Variants in FSIP2 observed in about 807,000 individuals in gnomAD.
The protein encoded by FSIP2 is fibrous sheath interacting protein 2, also known as fibrous sheath-interacting protein 2.
In FSIP2, 367 loss-of-function variants were observed where a neutral mutation model predicts 510.5. The ratio of observed to expected loss-of-function variants is 0.72; its 90% CI spans 0.66 to 0.78. The LOEUF is 0.78. Ranked by LOEUF, FSIP2 falls within the 30% of genes least tolerant of loss-of-function variation. FSIP2 has a pLI of 0.00. For synonymous variants in FSIP2, 2,601 were observed against 2,732.2 expected, an observed-to-expected ratio of 0.95 and a Z score of 1.50; for missense variants, 7,594 against 7,901.7, an observed-to-expected ratio of 0.96 and a Z score of 1.48.
rs1323238565 is a variant in FSIP2 at position 185,789,300 on chromosome 2, G to A, written c.2164G>A (p.Ala722Thr). Reference protein sequence around the residue: ...LREIMSDLTQAIPSLSSVTAE... With the variant: ...LREIMSDLTQTIPSLSSVTAE... ...AGAAATAATGTCTGATTTAACCCAG[G>A]CCATTCCCTCTCTCTCTTCTGTTAC... Residue 722 changes from alanine (A) to threonine (T), a missense_variant, in exon 16 of 23, where the codon GCC (alanine) becomes ACC (threonine). Transcript: ENST00000424728. 1 of 1,534,662 alleles carries A rather than the reference G, an allele frequency of 6.5e-7. No homozygotes were observed. Among genetic ancestry groups the A allele is most frequent in the Non-Finnish European group, 8.7e-7 (1 of 1,145,902 alleles).
chr2:185,773,471 T>C (rs893095838), intron 13 of FSIP2, among the ~76,000 whole-genome samples: 1 of 152,194 alleles, frequency 6.6e-6, no homozygotes, highest in Admixed American at 6.5e-5. Flanking sequence ...AATTCAAACA[T>C]ACATTAGATC....
intron 15 of FSIP2, among the ~76,000 whole-genome samples, chr2:185,786,594 T>C (rs1692984564): frequency 1.3e-5 from 2 of 151,910 alleles, no homozygotes; most frequent in African/African-American, 4.8e-5. Flanking sequence ...AAGCCTATTA[T>C]ATCATGGGAA....
Position 185,764,560 on chromosome 2 carries a change from A to C in FSIP2, c.1406A>C (p.Glu469Ala). The stretch of plus-strand genomic sequence containing the variant: ...ACCAAGAGATCAAGCTATCTCTGCG[A>C]ATCAGGTAAATATCAGCAGTAATTA... The part of the protein sequence containing the change: ...RPTKRSSYLC[E>A]SGPQAHATDP... Residue 469 changes from glutamate (E) to alanine (A), a missense_variant, in exon 13 of 23, where the codon GAA becomes GCA. By Grantham distance (107) the Glu-to-Ala change is moderately radical. Transcript: ENST00000424728. 1 of 1,517,428 alleles carries C rather than the reference A, an allele frequency of 6.6e-7. No homozygotes were observed. The highest frequency in any genetic ancestry group is 2.5e-5 in the East Asian group (1 of 40,630). 94.0% of individuals were successfully genotyped at this position (1,517,428 alleles called of 1,614,324 possible). A position where few individuals can be genotyped will look rare whatever the true frequency, so the allele number is the denominator to read the frequency against.
At position 185,806,569 on chromosome 2, in the gene FSIP2, G is replaced by T. The variant is rs1430930896; in HGVS notation, c.17263G>T (p.Glu5755Ter). The T allele has an allele frequency of 1.2e-6, 2 of 1,604,440 alleles. No homozygotes were observed. The highest frequency in any genetic ancestry group is 2.7e-5 in the African/African-American group (2 of 74,048). ...KEKEEEEREK[E>*]KVREEIKSEP... ...AAAAGAAGAGGAAGAGAGAGAAAAA[G>T]AGAAAGTAAGAGAGGAGATTAAAAG... The change falls in exon 17 of 23, where the codon GAG (glutamate) becomes TAG (stop). Residue 5755 changes from glutamate to a stop codon, truncating the protein, a stop_gained. Transcript: ENST00000424728. LOFTEE classifies it high-confidence loss of function.
intron 8 of FSIP2, among the ~76,000 whole-genome samples, chr2:185,755,161 T>C (rs1250700541): frequency 2.6e-5 from 4 of 151,564 alleles, no homozygotes; most frequent in Admixed American, 1.3e-4. Flanking sequence ...CCCTTTTCTG[T>C]GAATCTCTCA....
chr2:185,804,306 G>T lies in FSIP2; in HGVS notation c.15000G>T (p.Glu5000Asp), dbSNP rs757133485. The change falls in exon 17 of 23, where the codon GAG (glutamate) becomes GAT (aspartate). Residue 5000 changes from glutamate (E) to aspartate (D), a missense_variant. Physicochemically the swap from Glu to Asp is conservative, Grantham distance 45 (BLOSUM62 2). Coordinates refer to ENST00000424728, the MANE Select transcript of FSIP2 (RefSeq NM_173651.4). ...TTGTTCTGGAGTTCACCACATCAGAGATTTTAGTTGCAGATAACTTTGATA... is the reference window on the plus strand; with the variant it reads ...TTGTTCTGGAGTTCACCACATCAGATATTTTAGTTGCAGATAACTTTGATA... ...NSIVLEFTTS[E>D]ILVADNFDKN... 202 of 1,514,118 alleles carry T rather than the reference G, an allele frequency of 1.3e-4. No homozygotes were observed. The highest frequency in any genetic ancestry group is 1.7e-4 in the Non-Finnish European group (194 of 1,138,768). The allele number at this position is 1,514,118 out of a possible 1,614,324, so 93.8% of individuals were successfully genotyped here. A position where few individuals can be genotyped will look rare whatever the true frequency, so the allele number is the denominator to read the frequency against.
chr2:185,818,800 T>C (rs2105674962), intron 19 of FSIP2, among the ~76,000 whole-genome samples: 1 of 152,002 alleles, frequency 6.6e-6, no homozygotes, highest in African/African-American at 2.4e-5. Context: ...ACACTAGATC[T>C]ACCTGACAAG....
chr2:185,764,925 C>A, intron 13 of FSIP2: 1 of 164,132 alleles, frequency 6.1e-6, no homozygotes, highest in Admixed American at 6.4e-5. Flanking sequence ...ATTGTTTGTA[C>A]TAATGTTGAC....
Position 185,805,461 on chromosome 2 carries a change from C to A in FSIP2, c.16155C>A (p.Thr5385=). 6.2e-7 allele frequency: 1 copy of A among 1,611,194 alleles called. No homozygotes were observed. The highest frequency in any genetic ancestry group is 8.5e-7 in the Non-Finnish European group (1 of 1,178,274). ...NIAIGMIAAL[T]QKAISAFRIQ... is the part of the protein sequence containing the mutation. ...CTATAGGGATGATTGCTGCTCTAAC[C>A]CAGAAGGCAATATCTGCATTCAGGA... Residue 5385 remains threonine (T), a synonymous_variant, in exon 17 of 23, where the codon ACC becomes ACA. Coordinates refer to ENST00000424728, the MANE Select transcript of FSIP2 (RefSeq NM_173651.4).
In FSIP2 at chr2:185,805,534, C is replaced by T. The variant is rs1693545468; in HGVS notation, c.16228C>T (p.Leu5410=). The change falls in exon 17 of 23, where the codon CTA becomes TTA. Residue 5410 remains leucine (L), a synonymous_variant. Coordinates refer to ENST00000424728, the MANE Select transcript of FSIP2 (RefSeq NM_173651.4). ...GDWSSTFFSF[L]NPDNITQRVQ... is the part of the protein sequence containing the mutation. Reference sequence around the variant, plus strand: ...CTGGTCTTCCACCTTCTTTTCATTTCTAAATCCAGATAATATCACCCAAAG... The same window carrying T: ...CTGGTCTTCCACCTTCTTTTCATTTTTAAATCCAGATAATATCACCCAAAG... The T allele has an allele frequency of 6.2e-7, 1 of 1,611,562 alleles. No homozygotes were observed. Among genetic ancestry groups the T allele is most frequent in the African/African-American group, 1.3e-5 (1 of 74,882 alleles).
In FSIP2 at chr2:185,764,388, G is replaced by T. The variant is rs1163930214; in HGVS notation, c.1348-114G>T. On this transcript the variant is annotated intron_variant, in intron 12 of 22. Transcript: ENST00000424728. ...ATTTCTTATAAATTGACATTAAAGA[G>T]AAATTCTCAAAATCTTAAATTTCTG... is the stretch of plus-strand genomic sequence containing the variant. 4 of 545,910 alleles carry T rather than the reference G, an allele frequency of 7.3e-6. No homozygotes were observed. The South Asian group carries it at 8.6e-5, about 12-fold the overall frequency. The allele number at this position is 545,910 out of a possible 1,614,324, so 33.8% of individuals were successfully genotyped here. A position where few individuals can be genotyped will look rare whatever the true frequency, so the allele number is the denominator to read the frequency against.
intron 19 of FSIP2, among the ~76,000 whole-genome samples, chr2:185,819,004 C>T (rs1020973985): frequency 9.2e-5 from 14 of 151,822 alleles, no homozygotes; most frequent in African/African-American, 2.2e-4. Flanking sequence ...ATGCATGAAA[C>T]AGATAATAAA....
intron 21 of FSIP2, among the ~76,000 whole-genome samples, 174 bp downstream of exon 21, chr2:185,828,373 G>A (rs1694051887): frequency 6.6e-6 from 1 of 151,638 alleles, no homozygotes; most frequent in Admixed American, 6.6e-5. Flanking sequence ...GCCTGTCCCT[G>A]GTATATTAAA....
chr2:185,826,466 T>C (rs1211946016), intron 20 of FSIP2, among the ~76,000 whole-genome samples: 2 of 151,830 alleles, frequency 1.3e-5, no homozygotes, highest in East Asian at 1.9e-4. Context: ...TCTGCATTGT[T>C]CATTCCTTAC....
Position 185,745,493 on chromosome 2 carries a change from T to C in FSIP2, c.542T>C (p.Val181Ala). 1 of 1,535,496 alleles carries C rather than the reference T, an allele frequency of 6.5e-7. No individual in the cohort carries two copies. Among genetic ancestry groups the C allele is most frequent in the East Asian group, 2.4e-5 (1 of 40,872 alleles). Residue 181 changes from valine to alanine, a missense_variant, in exon 5 of 23, where the codon GTT (valine) becomes GCT (alanine). By Grantham distance (64) the Val-to-Ala change is moderately conservative. Coordinates refer to ENST00000424728, the MANE Select transcript of FSIP2 (RefSeq NM_173651.4). ...AATCAAATCCCTCAACATTGTGATG[T>C]TGCACAAGTCCAAAACTGGTTGTTA... Reference protein sequence around the residue: ...ENNQIPQHCDVAQVQNWLLKE... With the variant: ...ENNQIPQHCDAAQVQNWLLKE...
In FSIP2 at chr2:185,796,900, A is replaced by G. The variant is rs992558756; in HGVS notation, c.9764A>G (p.Asp3255Gly). The G allele has an allele frequency of 2.5e-5, 38 of 1,534,958 alleles. No homozygotes were observed. The Admixed American group carries it at 2.6e-4, about 10-fold the overall frequency. Reference protein sequence around the residue: ...RPRESNFGSFDQTMKGNSYLP... With the variant: ...RPRESNFGSFGQTMKGNSYLP... Reference sequence around the variant, plus strand: ...AGGGAATCTAACTTTGGTAGTTTTGATCAGACCATGAAAGGAAATAGCTAC... The same window carrying G: ...AGGGAATCTAACTTTGGTAGTTTTGGTCAGACCATGAAAGGAAATAGCTAC... The change falls in exon 16 of 23, where the codon GAT (aspartate) becomes GGT (glycine). Residue 3255 changes from aspartate (D) to glycine (G), a missense_variant. Coordinates refer to ENST00000424728, the MANE Select transcript of FSIP2 (RefSeq NM_173651.4).
intron 19 of FSIP2, among the ~76,000 whole-genome samples, chr2:185,819,245 C>G (rs1693873748): frequency 6.6e-6 from 1 of 151,706 alleles, no homozygotes; most frequent in South Asian, 2.1e-4. Flanking sequence ...CTAAAAAGTT[C>G]AACTAAATAC....
At position 185,793,668 on chromosome 2, in the gene FSIP2, A is replaced by G. The variant is rs1269957895; in HGVS notation, c.6532A>G (p.Lys2178Glu). 4 of 1,534,688 alleles carry G rather than the reference A, an allele frequency of 2.6e-6. No homozygotes were observed. The South Asian group carries it at 3.6e-5, about 14-fold the overall frequency. The change falls in exon 16 of 23, where the codon AAG (lysine) becomes GAG (glutamate). Residue 2178 changes from lysine (K) to glutamate (E), a missense_variant. Coordinates refer to ENST00000424728, the MANE Select transcript of FSIP2 (RefSeq NM_173651.4). Reference sequence around the variant, plus strand: ...TGCTGCCACGCTTGTCATAAATGCAAAGAATCCTACTTCTGCAAGATTGCC... The same window carrying G: ...TGCTGCCACGCTTGTCATAAATGCAGAGAATCCTACTTCTGCAAGATTGCC... ...SSAATLVINA[K>E]NPTSARLPLT...
chr2:185,798,113 T>C (rs1693336127), intron 16 of FSIP2, among the ~76,000 whole-genome samples: 1 of 151,954 alleles, frequency 6.6e-6, no homozygotes, highest in African/African-American at 2.4e-5. Context: ...AATGAGGCCA[T>C]TTTAAAGCAG....
Sources: gnomAD v4.1 joint callset for allele counts (sites outside exome capture counted in the v4.1 genomes callset) on GRCh38, gnomAD v4.1.1 for gene constraint, MANE v1.5 for transcripts, NCBI Gene and HGNC (gene_info 2026-07-23, HGNC 2026-07-21) for gene names.